TBCEL: variants seen among roughly 807,000 people sequenced by gnomAD.
TBCEL encodes the protein tubulin folding cofactor E like, also known as tubulin-specific chaperone cofactor E-like protein.
In TBCEL, 15 loss-of-function variants were observed where a neutral mutation model predicts 44.2. The observed-to-expected ratio is 0.34, with a 90% CI of 0.23 to 0.52. TBCEL has a LOEUF of 0.52. Ranked by LOEUF, TBCEL falls within the 20% of genes least tolerant of loss-of-function variation. TBCEL has a pLI of 0.95. For missense variants in TBCEL, 319 were observed against 506.3 expected (o/e 0.63, Z 3.55); for synonymous variants, 171 against 185.4 (o/e 0.92, Z 0.63).
intron 2 of TBCEL, among the ~76,000 whole-genome samples, chr11:121,044,989 G>A (rs991869903): frequency 6.6e-6 from 1 of 152,086 alleles, no homozygotes; most frequent in Non-Finnish European, 1.5e-5. Flanking sequence ...AGTCCTCAGG[G>A]ATGCAGAGCC....
intron 8 of TBCEL, among the ~76,000 whole-genome samples, chr11:121,071,001 G>A (rs905672899): frequency 1.3e-5 from 2 of 152,162 alleles, no homozygotes; most frequent in Non-Finnish European, 2.9e-5. Flanking sequence ...AAAACACATC[G>A]TGAAGTTGTA....
chr11:121,055,031 T>C, intron 5 of TBCEL, 21 bp from the exon 6 acceptor site: 1 of 1,450,288 alleles, frequency 6.9e-7, no homozygotes, highest in Non-Finnish European at 9.1e-7. Flanking sequence ...AACAATGAAA[T>C]ATTTCCTTTT....
Position 121,047,576 on chromosome 11 carries a change from C to G in TBCEL, c.182C>G (p.Thr61Ser). 6.2e-7 allele frequency: 1 copy of G among 1,612,714 alleles called. No homozygotes were observed. The highest frequency in any genetic ancestry group is 8.5e-7 in the Non-Finnish European group (1 of 1,179,144). The change falls in exon 4 of 9, where the codon ACC (threonine) becomes AGC (serine). Residue 61 changes from threonine (T) to serine (S), a missense_variant. By Grantham distance (58) the Thr-to-Ser change is moderately conservative. Transcript: ENST00000683345. ...SVLVLNSCGI[T>S]CAGDEKEIAA... ...CTAGTGTTGAACAGCTGTGGAATAA[C>G]CTGTGCAGGAGATGAAAAAGAAATT...
chr11:121,065,110 G>A (rs1945796800), intron 8 of TBCEL, among the ~76,000 whole-genome samples: 1 of 152,222 alleles, frequency 6.6e-6, no homozygotes. Flanking sequence ...ATAGGTGTGA[G>A]CCATTGCACC....
At chr11:121,035,693 T>C (rs1183479538) in intron 1 of TBCEL, 2 of 152,152 alleles carry the variant, frequency 1.3e-5, no homozygotes, top group African/African-American at 4.8e-5. Context: ...ATCTGTTCTG[T>C]AAACAGCTAA....
rs149247451 is a variant in TBCEL, at chr11:121,068,819, G to A, written c.956+8734G>A. The stretch of plus-strand genomic sequence containing the variant: ...GGAGAATCACTTGAACCCGAGAGGC[G>A]GAGGTTGCGGTGAGCTGAGATCACA... On this transcript the variant is annotated intron_variant, in intron 8 of 8. Transcript: ENST00000683345. 4.8e-3 allele frequency among the ~76,000 whole-genome samples: 733 copies of A among 151,686 alleles called. 5 individuals are homozygous for A. Among genetic ancestry groups the A allele is most frequent in the Middle Eastern group, 0.017 (5 of 294 alleles).
At chr11:121,050,281 T>C (rs1046411094) in intron 4 of TBCEL, among the ~76,000 whole-genome samples, 4 of 151,780 alleles carry the variant, frequency 2.6e-5, no homozygotes, top group Admixed American at 2.6e-4. Flanking sequence ...TAATTTGTCC[T>C]TAGCTATTAA....
At position 121,053,535 on chromosome 11, in the gene TBCEL, CT is replaced by C; in HGVS notation, c.274-9del. On this transcript the variant is annotated splice_polypyrimidine_tract_variant and intron_variant, in intron 4 of 8. Transcript: ENST00000683345. ...CTGATTACTGCCTGATAATGCTTTTCTTTTTTTCTCCTTAGGTCAGTAAAAT... is the reference window on the plus strand; with the variant it reads ...CTGATTACTGCCTGATAATGCTTTTCTTTTTTCTCCTTAGGTCAGTAAAAT... 3 of 1,609,400 alleles carry C rather than the reference CT, an allele frequency of 1.9e-6. No individual in the cohort carries two copies. The highest frequency in any genetic ancestry group is 1.3e-5 in the African/African-American group (1 of 74,598).
At chr11:121,057,602 A>C (rs1268305962) in intron 6 of TBCEL, 1 of 455,030 alleles carries the variant, frequency 2.2e-6, no homozygotes, top group Non-Finnish European at 4.4e-6. Flanking sequence ...TTGAAAATAC[A>C]TGGGGAAGAA....
At chr11:121,064,992 AT>A (rs1327495677) in intron 8 of TBCEL, among the ~76,000 whole-genome samples, 1 of 151,532 alleles carries the variant, frequency 6.6e-6, no homozygotes, top group African/African-American at 2.4e-5. Flanking sequence ...CGCCCAGCTA[AT>A]TTTTTTGTAT....
intron 3 of TBCEL, among the ~76,000 whole-genome samples, chr11:121,046,368 A>T (rs1207088940): frequency 1.3e-5 from 2 of 152,096 alleles, no homozygotes; most frequent in African/African-American, 2.4e-5. Flanking sequence ...AAAAATCTGT[A>T]ACTAGAAGTG....
chr11:121,036,953 A>T (rs141197273), intron 2 of TBCEL, among the ~76,000 whole-genome samples: 3 of 152,230 alleles, frequency 2.0e-5, no homozygotes, highest in African/African-American at 4.8e-5. Flanking sequence ...TTTGATAGGT[A>T]TTTTAATGTT....
chr11:121,064,848 G>T (rs1945789409), intron 8 of TBCEL, among the ~76,000 whole-genome samples: 1 of 151,614 alleles, frequency 6.6e-6, no homozygotes, highest in Non-Finnish European at 1.5e-5. Context: ...TTCTTTTGAG[G>T]AGGAGTCTCA....
chr11:121,069,483 A>G (rs1034684774), intron 8 of TBCEL, among the ~76,000 whole-genome samples: 3 of 152,126 alleles, frequency 2.0e-5, no homozygotes, highest in African/African-American at 7.2e-5. Context: ...ACAATTTGAT[A>G]TGACTAGTGA....
intron 1 of TBCEL, among the ~76,000 whole-genome samples, chr11:121,026,847 G>A (rs1208557288): frequency 6.6e-6 from 1 of 152,044 alleles, no homozygotes; most frequent in Non-Finnish European, 1.5e-5. Context: ...CATTTTTCTG[G>A]GAATCATATG....
rs569198050 is a variant in TBCEL at position 121,067,186 on chromosome 11, T to G, written c.956+7101T>G. ...TGTCCTTTATGGTAGCAAAGTTATTTTGTGTGTCAGTTGGATTATTTACAC... is the reference window on the plus strand; with the variant it reads ...TGTCCTTTATGGTAGCAAAGTTATTGTGTGTGTCAGTTGGATTATTTACAC... On this transcript the variant is annotated intron_variant, in intron 8 of 8. Coordinates refer to ENST00000683345, the MANE Select transcript of TBCEL (RefSeq NM_001363644.2). Among the ~76,000 whole-genome samples, 5 of 152,336 alleles carry G rather than the reference T, an allele frequency of 3.3e-5. 1 individual carries two copies. In the South Asian group the frequency reaches 8.3e-4, roughly 25 times the overall value.
chr11:121,051,446 T>C (rs900774393), intron 4 of TBCEL, among the ~76,000 whole-genome samples: 5 of 149,914 alleles, frequency 3.3e-5, no homozygotes, highest in Non-Finnish European at 7.4e-5. Flanking sequence ...GCATAATTCC[T>C]GTCCCCCTCC....
intron 4 of TBCEL, among the ~76,000 whole-genome samples, chr11:121,050,539 T>G (rs149546277): frequency 2.5e-4 from 38 of 151,838 alleles, no homozygotes; most frequent in Admixed American, 2.4e-3. Flanking sequence ...ATGCATTTTT[T>G]TTTAGCTTTT....
chr11:121,047,706 C>G (rs1392864836), intron 4 of TBCEL, 39 bp downstream of exon 4: 1 of 1,605,652 alleles, frequency 6.2e-7, no homozygotes, highest in Non-Finnish European at 8.5e-7. Context: ...TGAAAAGCAG[C>G]AATAACCATT....
Sources: gnomAD v4.1 joint callset for allele counts (sites outside exome capture counted in the v4.1 genomes callset) on GRCh38, gnomAD v4.1.1 for gene constraint, MANE v1.5 for transcripts, NCBI Gene and HGNC (gene_info 2026-07-23, HGNC 2026-07-21) for gene names.